TNS1: variants seen among roughly 807,000 people sequenced by gnomAD.
TNS1 encodes tensin 1.
Under a neutral mutation model 168.6 loss-of-function variants are expected in TNS1, and 62 were observed. That is an observed-to-expected ratio of 0.37 (90% CI 0.30 to 0.45). The LOEUF (loss-of-function observed/expected upper bound fraction) is 0.45. TNS1 is among the 20% of genes least tolerant of loss of function. The pLI is 1.00. For synonymous variants in TNS1, 934 were observed against 933.2 expected (o/e 1.00, Z -0.02); for missense variants, 2,240 against 2,339.4 (o/e 0.96, Z 0.88).
chr2:218,001,834 C>A (rs191508281), intron 1 of TNS1, among the ~76,000 whole-genome samples: 1 of 152,220 alleles, frequency 6.6e-6, no homozygotes, highest in East Asian at 1.9e-4. Context: ...GAGGGCCCTC[C>A]CGAGGACTGG....
At chr2:217,864,222 G>A (rs1050651192) in intron 18 of TNS1, among the ~76,000 whole-genome samples, 2 of 152,214 alleles carry the variant, frequency 1.3e-5, no homozygotes, top group African/African-American at 4.8e-5. Context: ...CTCCCAGGAC[G>A]TGGACACCAT....
At chr2:217,893,844 C>T (rs937455642) in intron 9 of TNS1, among the ~76,000 whole-genome samples, 1 of 152,190 alleles carries the variant, frequency 6.6e-6, no homozygotes, top group Non-Finnish European at 1.5e-5. Flanking sequence ...GCCTCAATTT[C>T]CCCATATGTG....
intron 18 of TNS1, among the ~76,000 whole-genome samples, chr2:217,864,905 G>A (rs1166207687): frequency 6.6e-6 from 1 of 152,188 alleles, no homozygotes. Context: ...ACGCAGTGGG[G>A]CAGAGTTGGG....
At chr2:217,976,075 C>T (rs1213435889) in intron 3 of TNS1, among the ~76,000 whole-genome samples, 2 of 152,216 alleles carry the variant, frequency 1.3e-5, no homozygotes, top group East Asian at 1.9e-4. Context: ...CTGGGTCCCA[C>T]CTCACATGAC....
At chr2:217,822,891 G>C (rs1943089027) in intron 22 of TNS1, among the ~76,000 whole-genome samples, 1 of 152,180 alleles carries the variant, frequency 6.6e-6, no homozygotes, top group African/African-American at 2.4e-5. Context: ...TTTACCCCGG[G>C]CCATGATCCG....
rs925368406 is a variant in TNS1, at chr2:217,812,356, T to C, written c.5032+12A>G. ...GGGTGTGGGTGGTGAGCCAGGAGTC[T>C]CACGTTCCTACCTCGGTTTGGAATG... is the stretch of plus-strand genomic sequence containing the variant. On this transcript the variant is annotated intron_variant, in intron 28 of 32. Transcript: ENST00000682258. 2.5e-6 allele frequency: 4 copies of C among 1,612,648 alleles called. No homozygotes were observed. Among genetic ancestry groups the C allele is most frequent in the Non-Finnish European group, 3.4e-6 (4 of 1,179,032 alleles).
intron 4 of TNS1, among the ~76,000 whole-genome samples, chr2:217,911,485 C>T (rs1057186751): frequency 1.3e-5 from 2 of 152,268 alleles, no homozygotes; most frequent in Admixed American, 6.5e-5. Flanking sequence ...AGAGGCCTCA[C>T]TCTCTGGCCC....
At chr2:218,030,623 A>G (rs1958884569) in intron 1 of TNS1, among the ~76,000 whole-genome samples, 1 of 152,254 alleles carries the variant, frequency 6.6e-6, no homozygotes, top group Admixed American at 6.5e-5. Context: ...GGGGAAAGCA[A>G]AAGTTGCATC....
intron 18 of TNS1, among the ~76,000 whole-genome samples, chr2:217,865,051 T>G (rs1198143883): frequency 6.6e-6 from 1 of 151,822 alleles, no homozygotes; most frequent in Non-Finnish European, 1.5e-5. Flanking sequence ...GAGGTGGCTA[T>G]GACTAGAGGG....
intron 31 of TNS1, 94 bp downstream of exon 31, chr2:217,808,507 GCA>G (rs112279658): frequency 0.05 from 43,639 of 864,900 alleles, 35 homozygotes; most frequent in South Asian, 0.084. Flanking sequence ...GTATGCACAT[GCA>G]CACACACACA....
intron 18 of TNS1, among the ~76,000 whole-genome samples, chr2:217,875,673 A>T (rs923712793): frequency 3.3e-5 from 5 of 152,110 alleles, no homozygotes; most frequent in African/African-American, 4.8e-5. Context: ...TCAAAAAAAA[A>T]GTATCACAGA....
chr2:217,877,083 C>A (rs1950265151), intron 18 of TNS1, among the ~76,000 whole-genome samples: 1 of 152,128 alleles, frequency 6.6e-6, no homozygotes, highest in South Asian at 2.1e-4. Context: ...GTCCGAGGGT[C>A]CTTATTATTG....
At chr2:217,885,986 T>G in intron 14 of TNS1, 58 bp downstream of exon 14, 1 of 1,598,480 alleles carries the variant, frequency 6.3e-7, no homozygotes, top group Non-Finnish European at 8.6e-7. Context: ...CCTTCTGACC[T>G]GGTCCTTAGC....
rs540779168 is a variant in TNS1 at position 217,850,204 on chromosome 2, G to A, written c.1430-1117C>T. On this transcript the variant is annotated intron_variant, in intron 18 of 32. Transcript: ENST00000682258. Reference sequence around the variant, plus strand: ...TGATCCCACTGCTCTGAGCCAGCCCGGGGGCCCCTGAAGAACAGGCCAAGG... The same window carrying A: ...TGATCCCACTGCTCTGAGCCAGCCCAGGGGCCCCTGAAGAACAGGCCAAGG... 83 of 985,348 alleles carry A rather than the reference G, an allele frequency of 8.4e-5. 1 individual carries two copies. The East Asian group carries it at 5.5e-3, about 65-fold the overall frequency. The allele number at this position is 985,348 out of a possible 1,614,324, so 61.0% of individuals were successfully genotyped here.
chr2:217,855,671 G>A (rs3791964), intron 18 of TNS1, among the ~76,000 whole-genome samples: 43,335 of 151,900 alleles, frequency 0.29, 6,248 homozygotes, highest in Middle Eastern at 0.38. Context: ...AACCTGCATG[G>A]CTGTACAGAA....
intron 21 of TNS1, among the ~76,000 whole-genome samples, chr2:217,832,372 C>A (rs1457813321): frequency 6.6e-6 from 1 of 152,204 alleles, no homozygotes; most frequent in Non-Finnish European, 1.5e-5. Context: ...AGATTCAGAG[C>A]TGATCTGCAG....
At chr2:217,971,801 G>A (rs780557700) in intron 3 of TNS1, among the ~76,000 whole-genome samples, 4 of 152,194 alleles carry the variant, frequency 2.6e-5, no homozygotes, top group Non-Finnish European at 5.9e-5. Context: ...AAGCACCAAG[G>A]TGATTCTAAT....
At chr2:217,931,740 TGAG>T (rs1435632471) in intron 3 of TNS1, among the ~76,000 whole-genome samples, 1 of 152,224 alleles carries the variant, frequency 6.6e-6, no homozygotes, top group African/African-American at 2.4e-5. Flanking sequence ...TAACAGTTTT[TGAG>T]GAGGAGGGAA....
chr2:217,843,133 T>TAA lies in TNS1; in HGVS notation c.3007+4375_3007+4376dup, dbSNP rs111489141. Among the ~76,000 whole-genome samples, 403 of 145,152 alleles carry TAA rather than the reference T, an allele frequency of 2.8e-3. 1 individual carries two copies. The highest frequency in any genetic ancestry group is 4.4e-3 in the South Asian group (20 of 4,556). On this transcript the variant is annotated intron_variant, in intron 19 of 32. Coordinates refer to ENST00000682258, the MANE Select transcript of TNS1 (RefSeq NM_001387777.1). ...CATCTCCTATTTTCAGAACAAAATG[T>TAA]AAAAAAAAAAAAACACAAGAGTTTT...
Sources: allele counts gnomAD v4.1 joint callset (sites outside exome capture counted in the v4.1 genomes callset), GRCh38; gene constraint gnomAD v4.1.1; transcripts MANE v1.5; gene names NCBI Gene and HGNC (gene_info 2026-07-23, HGNC 2026-07-21).